FHIT: variants seen among roughly 807,000 people sequenced by gnomAD.
The protein encoded by FHIT is bis(5'-adenosyl)-triphosphatase.
In FHIT, 19 loss-of-function variants were observed where a neutral mutation model predicts 17.9. That is an observed-to-expected ratio of 1.06 (90% CI 0.74 to 1.56). The LOEUF (loss-of-function observed/expected upper bound fraction) is 1.56. FHIT is among the 40% of genes most tolerant of loss of function. The pLI, the probability that FHIT is intolerant of heterozygous loss-of-function variation, is 0.00. For missense variants in FHIT, 248 were observed against 189.2 expected, an observed-to-expected ratio of 1.31 and a Z score of -1.82; for synonymous variants, 81 against 69.7, an observed-to-expected ratio of 1.16 and a Z score of -0.81.
intron 4 of FHIT, among the ~76,000 whole-genome samples, chr3:60,782,718 A>G (rs1390933902): frequency 6.6e-6 from 1 of 152,172 alleles, no homozygotes; most frequent in East Asian, 1.9e-4. Context: ...TAGAAATTTA[A>G]TTCTCACAGC....
intron 3 of FHIT, among the ~76,000 whole-genome samples, chr3:60,885,903 T>A (rs1291610309): frequency 6.6e-6 from 1 of 152,072 alleles, no homozygotes; most frequent in African/African-American, 2.4e-5. Context: ...CTTAGGAATA[T>A]CCTCAATGCC....
At chr3:60,779,772 C>A (rs1368709926) in intron 4 of FHIT, among the ~76,000 whole-genome samples, 1 of 152,090 alleles carries the variant, frequency 6.6e-6, no homozygotes, top group African/African-American at 2.4e-5. Context: ...AGGCAAATGA[C>A]AACAGAAGTT....
At chr3:60,150,344 C>A (rs2107328067) in intron 5 of FHIT, among the ~76,000 whole-genome samples, 1 of 152,202 alleles carries the variant, frequency 6.6e-6, no homozygotes, top group Admixed American at 6.5e-5. Flanking sequence ...ACTGTAATTT[C>A]TCCTTGGGTA....
At chr3:60,702,695 TC>T (rs1323025571) in intron 4 of FHIT, among the ~76,000 whole-genome samples, 2 of 152,180 alleles carry the variant, frequency 1.3e-5, no homozygotes, top group Non-Finnish European at 2.9e-5. Context: ...AGTATCATTT[TC>T]TTCGCTTAAT....
intron 4 of FHIT, among the ~76,000 whole-genome samples, chr3:60,620,722 C>G (rs116840156): frequency 1.3e-5 from 2 of 152,006 alleles, no homozygotes; most frequent in African/African-American, 4.8e-5. Flanking sequence ...AATGATATAA[C>G]AGTGGTTGCA....
chr3:60,798,567 G>A (rs1000070119), intron 4 of FHIT, among the ~76,000 whole-genome samples: 4 of 151,978 alleles, frequency 2.6e-5, no homozygotes, highest in African/African-American at 7.3e-5. Flanking sequence ...TTAGACAGAT[G>A]GTATATGGCC....
chr3:60,590,036 C>T (rs2038033835), intron 4 of FHIT, among the ~76,000 whole-genome samples: 1 of 152,042 alleles, frequency 6.6e-6, no homozygotes, highest in Non-Finnish European at 1.5e-5. Flanking sequence ...ATCTACAAGA[C>T]TGCTGGAAGG....
chr3:60,065,934 G>A (rs1434516115), intron 5 of FHIT, among the ~76,000 whole-genome samples: 1 of 152,128 alleles, frequency 6.6e-6, no homozygotes, highest in Non-Finnish European at 1.5e-5. Context: ...AGGAAATAGG[G>A]TGGCCATCTT....
intron 7 of FHIT, among the ~76,000 whole-genome samples, chr3:59,983,986 C>G (rs1017003191): frequency 6.6e-6 from 1 of 152,030 alleles, no homozygotes; most frequent in African/African-American, 2.4e-5. Flanking sequence ...GAATTATAAC[C>G]AAGTCTAAAT....
At chr3:59,991,545 C>T (rs1294934357) in intron 7 of FHIT, among the ~76,000 whole-genome samples, 2 of 152,046 alleles carry the variant, frequency 1.3e-5, no homozygotes, top group African/African-American at 2.4e-5. Context: ...CAGACAGATA[C>T]ATTAGTACCC....
chr3:60,395,636 T>G (rs952132581), intron 5 of FHIT, among the ~76,000 whole-genome samples: 8 of 152,076 alleles, frequency 5.3e-5, no homozygotes, highest in African/African-American at 1.9e-4. Context: ...AGAAAGGTTT[T>G]TAAAAGGAAG....
Position 60,732,078 on chromosome 3 carries a change from T to A in FHIT, c.-18+89841A>T. 2.6e-5 allele frequency: 15 copies of A among 585,824 alleles called. 1 individual carries two copies. In the South Asian group the frequency reaches 2.7e-4, roughly 11 times the overall value. 36.3% of individuals were successfully genotyped at this position (585,824 alleles called of 1,614,324 possible). A position where few individuals can be genotyped will look rare whatever the true frequency, so the allele number is the denominator to read the frequency against. ...TCTAGGATACTGCGAGCAAATGGGG[T>A]GGAGGGGTAGTCTCCTGAGCTACAG... On this transcript the variant is annotated intron_variant, in intron 4 of 9. Transcript: ENST00000492590.
chr3:60,129,134 C>T (rs1359807582), intron 5 of FHIT, among the ~76,000 whole-genome samples: 3 of 145,970 alleles, frequency 2.1e-5, no homozygotes, highest in Non-Finnish European at 4.5e-5. Context: ...CTCACTGCAA[C>T]CTCCGCCTCC....
At position 60,569,746 on chromosome 3, in the gene FHIT, T is replaced by G. The variant is rs1415948938; in HGVS notation, c.-17-32767A>C. On this transcript the variant is annotated intron_variant, in intron 4 of 9. Coordinates refer to ENST00000492590, the MANE Select transcript of FHIT (RefSeq NM_002012.4). The stretch of plus-strand genomic sequence containing the variant: ...AATACTATATATATATATATATATA[T>G]ATATATATATTTTTTTTTTTTTTAG... 1.2e-4 allele frequency among the ~76,000 whole-genome samples: 10 copies of G among 81,666 alleles called. 1 individual carries two copies. The highest frequency in any genetic ancestry group is 5.1e-4 in the African/African-American group (10 of 19,790). The allele number at this position is 81,666 out of a possible 152,430, so 53.6% of individuals were successfully genotyped here. A position where few individuals can be genotyped will look rare whatever the true frequency, so the allele number is the denominator to read the frequency against.
chr3:60,590,957 A>G (rs1055204215), intron 4 of FHIT, among the ~76,000 whole-genome samples: 1 of 151,934 alleles, frequency 6.6e-6, no homozygotes, highest in Non-Finnish European at 1.5e-5. Context: ...TCCAGGGGGG[A>G]AAAATGGACA....
At chr3:60,948,151 G>T (rs191878885) in intron 3 of FHIT, among the ~76,000 whole-genome samples, 97 of 152,282 alleles carry the variant, frequency 6.4e-4, no homozygotes, top group African/African-American at 2.3e-3. Context: ...TAGACCAGGT[G>T]CTAGGTGTCC....
At chr3:59,893,960 T>C (rs1023342631) in intron 8 of FHIT, among the ~76,000 whole-genome samples, 1 of 139,544 alleles carries the variant, frequency 7.2e-6, no homozygotes, top group African/African-American at 2.9e-5. Flanking sequence ...CAGTTTGGCA[T>C]AGAGATTAAG....
chr3:61,204,908 T>C (rs1209543255), intron 1 of FHIT, among the ~76,000 whole-genome samples: 4 of 152,102 alleles, frequency 2.6e-5, no homozygotes, highest in Admixed American at 2.6e-4. Flanking sequence ...TGTGCCATGT[T>C]GGTGTGCTGC....
Position 59,747,593 on chromosome 3 carries a change from G to T in FHIT, c.*1992C>A, listed in dbSNP as rs890239366. ...ACATTAAGTCAAGAACATCTTTTTG[G>T]TCTTATAGTCTTTATTCTTATATAG... On this transcript the variant is annotated 3_prime_UTR_variant, in exon 10 of 10. Transcript: ENST00000492590. Among the ~76,000 whole-genome samples, 29 of 152,060 alleles carry T rather than the reference G, an allele frequency of 1.9e-4. No homozygotes were observed. The highest frequency in any genetic ancestry group is 6.5e-4 in the African/African-American group (27 of 41,414).
Sources: gnomAD v4.1 joint callset for allele counts (sites outside exome capture counted in the v4.1 genomes callset) on GRCh38, gnomAD v4.1.1 for gene constraint, MANE v1.5 for transcripts, NCBI Gene and HGNC (gene_info 2026-07-23, HGNC 2026-07-21) for gene names.